RNLS: variants seen among roughly 807,000 people sequenced by gnomAD.
The protein encoded by RNLS is renalase.
In RNLS, 39 loss-of-function variants were observed where a neutral mutation model predicts 39.8. The observed-to-expected ratio is 0.98, with a 90% CI of 0.76 to 1.28. The LOEUF is 1.28. Ranked by LOEUF, RNLS falls within the 50% of genes most tolerant of loss-of-function variation. The probability of loss-of-function intolerance (pLI) is 0.00; values close to 1 mark genes in which losing one functional copy is unlikely to be tolerated. For missense variants in RNLS, 410 were observed against 413.3 expected (o/e 0.99, Z 0.07); for synonymous variants, 147 against 150.7 (o/e 0.98, Z 0.18).
At chr10:88,403,244 C>G (rs1223943303) in intron 4 of RNLS, among the ~76,000 whole-genome samples, 2 of 152,002 alleles carry the variant, frequency 1.3e-5, no homozygotes, top group Non-Finnish European at 2.9e-5. Flanking sequence ...AATTGCATTT[C>G]TATTACAAAA....
chr10:88,188,760 T>C, the RNLS span, among the ~76,000 whole-genome samples: 2 of 152,202 alleles, frequency 1.3e-5, no homozygotes, highest in African/African-American at 4.8e-5. Flanking sequence ...CCAGCTACAG[T>C]TACCAGCTGA....
the RNLS span, among the ~76,000 whole-genome samples, chr10:88,224,251 G>A: frequency 1.3e-5 from 2 of 152,170 alleles, no homozygotes; most frequent in Admixed American, 6.5e-5. Context: ...TTCACAGATG[G>A]TGTTTTCTTG....
the RNLS span, among the ~76,000 whole-genome samples, chr10:88,240,214 G>T: frequency 6.6e-6 from 1 of 151,862 alleles, no homozygotes. Context: ...TGTGATTCTG[G>T]CTATCCAAAA....
At chr10:88,430,235 CTA>C (rs1194612276) in intron 4 of RNLS, among the ~76,000 whole-genome samples, 2 of 151,670 alleles carry the variant, frequency 1.3e-5, no homozygotes, top group East Asian at 3.9e-4. Flanking sequence ...AGATATATTC[CTA>C]TGTTTCATTT....
intron 4 of RNLS, among the ~76,000 whole-genome samples, chr10:88,458,804 C>T (rs1341612447): frequency 6.6e-6 from 1 of 152,148 alleles, no homozygotes; most frequent in African/African-American, 2.4e-5. Flanking sequence ...GTATGTTCCT[C>T]AATTCTAGTT....
intron 4 of RNLS, among the ~76,000 whole-genome samples, chr10:88,481,023 A>G (rs1844135234): frequency 6.6e-6 from 1 of 151,948 alleles, no homozygotes. Flanking sequence ...GTGTGTTTAT[A>G]TTTATAATTT....
At chr10:88,232,020 C>T in the RNLS span, among the ~76,000 whole-genome samples, 1 of 150,802 alleles carries the variant, frequency 6.6e-6, no homozygotes, top group East Asian at 1.9e-4. Flanking sequence ...CAAAAGATTC[C>T]ATGTTTGTGG....
At chr10:88,447,445 T>C (rs1313645189) in intron 4 of RNLS, among the ~76,000 whole-genome samples, 1 of 152,164 alleles carries the variant, frequency 6.6e-6, no homozygotes, top group African/African-American at 2.4e-5. Flanking sequence ...GGAATCCATC[T>C]TACAAGGGCT....
At chr10:88,240,358 T>C in the RNLS span, among the ~76,000 whole-genome samples, 1 of 152,238 alleles carries the variant, frequency 6.6e-6, no homozygotes, top group East Asian at 1.9e-4. Flanking sequence ...AATACTTTTT[T>C]TATTTTTCCT....
At chr10:88,391,955 C>T (rs767066802) in intron 4 of RNLS, among the ~76,000 whole-genome samples, 10 of 152,184 alleles carry the variant, frequency 6.6e-5, no homozygotes, top group Non-Finnish European at 1.2e-4. Flanking sequence ...CTGGCAGCCC[C>T]CGGAGGGGAT....
the RNLS span, among the ~76,000 whole-genome samples, chr10:88,266,504 T>G: frequency 1.4e-3 from 211 of 152,284 alleles, no homozygotes; most frequent in Admixed American, 2.8e-3. Flanking sequence ...TACTTTGCCT[T>G]GGCTGATTTT....
intron 4 of RNLS, among the ~76,000 whole-genome samples, chr10:88,467,655 A>T (rs1843288022): frequency 6.6e-6 from 1 of 152,098 alleles, no homozygotes; most frequent in Admixed American, 6.6e-5. Flanking sequence ...ACCTGGGGGA[A>T]TTAAAAAAAA....
At chr10:88,268,472 G>A in the RNLS span, among the ~76,000 whole-genome samples, 31 of 152,332 alleles carry the variant, frequency 2.0e-4, 1 homozygote, top group East Asian at 6.0e-3. Context: ...CCATGTGGGA[G>A]GTGGCTGTGG....
At chr10:88,255,223 C>G in the RNLS span, among the ~76,000 whole-genome samples, 1 of 152,220 alleles carries the variant, frequency 6.6e-6, no homozygotes, top group African/African-American at 2.4e-5. Flanking sequence ...AACTGTGCTC[C>G]TGGAACCACC....
the RNLS span, among the ~76,000 whole-genome samples, chr10:88,183,291 T>C: frequency 1.3e-5 from 2 of 152,190 alleles, no homozygotes. Flanking sequence ...TACATTCATG[T>C]CAGCTAATAT....
At chr10:88,536,373 A>G (rs139434284) in intron 4 of RNLS, among the ~76,000 whole-genome samples, 21 of 152,264 alleles carry the variant, frequency 1.4e-4, no homozygotes, top group African/African-American at 5.1e-4. Flanking sequence ...CGCTTGAATC[A>G]CTACAGTCTT....
chr10:88,477,037 T>C (rs1843860510), intron 4 of RNLS, among the ~76,000 whole-genome samples: 1 of 151,576 alleles, frequency 6.6e-6, no homozygotes, highest in Non-Finnish European at 1.5e-5. Flanking sequence ...GCAGTTGATC[T>C]GCTATATTAT....
intron 4 of RNLS, among the ~76,000 whole-genome samples, chr10:88,384,788 T>C (rs1851764432): frequency 6.6e-6 from 1 of 152,208 alleles, no homozygotes; most frequent in Non-Finnish European, 1.5e-5. Context: ...ATGAAATCTA[T>C]GCTATTGAGT....
intron 5 of RNLS, among the ~76,000 whole-genome samples, chr10:88,350,990 G>A (rs1050601697): frequency 1.3e-5 from 2 of 152,138 alleles, no homozygotes; most frequent in African/African-American, 2.4e-5. Context: ...CAGTGATAAG[G>A]AGCATTTTTT....
Sources: allele counts gnomAD v4.1 joint callset (sites outside exome capture counted in the v4.1 genomes callset), GRCh38; gene constraint gnomAD v4.1.1; transcripts MANE v1.5; gene names NCBI Gene and HGNC (gene_info 2026-07-23, HGNC 2026-07-21).